The following ATF2 variants were observed in gnomAD, a reference collection of about 807,000 sequenced individuals.
The protein encoded by ATF2 is activating transcription factor 2.
In ATF2, 24 loss-of-function variants were observed where a neutral mutation model predicts 60.6. The observed-to-expected ratio is 0.40, with a 90% confidence interval of 0.29 to 0.56. ATF2 has a LOEUF of 0.56. Ranked by LOEUF, ATF2 falls within the 20% of genes least tolerant of loss-of-function variation. The pLI, the probability that ATF2 is intolerant of heterozygous loss-of-function variation, is 0.54. For synonymous variants in ATF2, 206 were observed against 215.4 expected (o/e 0.96, Z 0.38); for missense variants, 433 against 607.7 (o/e 0.71, Z 3.02).
rs1693139944 is a variant in ATF2, at chr2:175,074,445, G to A, written c.*164C>T. Reference sequence around the variant, plus strand: ...TCCAGAGACTAAAAACCGTTTTTCAGTCTGATCAACTGCTGCTACACCAAC... The same window carrying A: ...TCCAGAGACTAAAAACCGTTTTTCAATCTGATCAACTGCTGCTACACCAAC... On this transcript the variant is annotated 3_prime_UTR_variant, in exon 14 of 14. Transcript: ENST00000264110. 2 of 764,626 alleles carry A rather than the reference G, an allele frequency of 2.6e-6. No homozygotes were observed. The highest frequency in any genetic ancestry group is 3.9e-6 in the Non-Finnish European group (2 of 518,436). 47.4% of individuals were successfully genotyped at this position (764,626 alleles called of 1,614,324 possible).
intron 1 of ATF2, among the ~76,000 whole-genome samples, chr2:175,154,252 T>TA (rs61252880): frequency 4.3e-5 from 6 of 140,764 alleles, no homozygotes; most frequent in African/African-American, 1.6e-4. Context: ...TATATATATA[T>TA]TTTTTACTTT....
At chr2:175,161,708 CATA>C (rs1574514954) in intron 1 of ATF2, among the ~76,000 whole-genome samples, 1 of 151,986 alleles carries the variant, frequency 6.6e-6, no homozygotes, top group Admixed American at 6.5e-5. Flanking sequence ...CTTAATAAAT[CATA>C]ATGACACATT....
rs1168287103 is a variant in ATF2 at position 175,072,860 on chromosome 2, C to T, written c.*1749G>A. On this transcript the variant is annotated 3_prime_UTR_variant, in exon 14 of 14. Transcript: ENST00000264110. Reference sequence around the variant, plus strand: ...CAATAAAATTCCCATTATCTTCATACTTAAAGTCCTGAAATGTCATTTATA... The same window carrying T: ...CAATAAAATTCCCATTATCTTCATATTTAAAGTCCTGAAATGTCATTTATA... 6 of 152,120 alleles carry T rather than the reference C, an allele frequency of 3.9e-5. No individual in the cohort carries two copies. The highest frequency in any genetic ancestry group is 1.9e-4 in the East Asian group (1 of 5,194). 9.4% of individuals were successfully genotyped at this position (152,120 alleles called of 1,614,324 possible).
Position 175,111,580 on chromosome 2 carries a change from T to C in ATF2, c.816A>G (p.Ser272=). 6.2e-7 allele frequency: 1 copy of C among 1,613,694 alleles called. No individual in the cohort carries two copies. The highest frequency in any genetic ancestry group is 8.5e-7 in the Non-Finnish European group (1 of 1,179,672). The part of the protein sequence containing the change: ...PGPSSPQPVQ[S]EAKMRLKAAL... Reference sequence around the variant, plus strand: ...AAATCTGGCTTACCATTTTTGCTTCTGACTGTACTGGTTGGGGAGAGGAAG... The same window carrying C: ...AAATCTGGCTTACCATTTTTGCTTCCGACTGTACTGGTTGGGGAGAGGAAG... Residue 272 remains serine, a synonymous_variant, in exon 10 of 14, where the codon TCA becomes TCG. Coordinates refer to ENST00000264110, the MANE Select transcript of ATF2 (RefSeq NM_001880.4).
At chr2:175,127,836 CTA>C in intron 4 of ATF2, among the ~76,000 whole-genome samples, 1 of 152,158 alleles carries the variant, frequency 6.6e-6, no homozygotes, top group East Asian at 1.9e-4. Flanking sequence ...CTGATAACTC[CTA>C]TGTTTACCTC....
At position 175,073,937 on chromosome 2, in the gene ATF2, A is replaced by T. The variant is rs1311905415; in HGVS notation, c.*672T>A. 1 of 152,150 alleles carries T rather than the reference A, an allele frequency of 6.6e-6. No individual in the cohort carries two copies. Among genetic ancestry groups the T allele is most frequent in the Non-Finnish European group, 1.5e-5 (1 of 68,018 alleles). The allele number at this position is 152,150 out of a possible 1,614,324, so 9.4% of individuals were successfully genotyped here. A position where few individuals can be genotyped will look rare whatever the true frequency, so the allele number is the denominator to read the frequency against. On this transcript the variant is annotated 3_prime_UTR_variant, in exon 14 of 14. Coordinates refer to ENST00000264110, the MANE Select transcript of ATF2 (RefSeq NM_001880.4). The stretch of plus-strand genomic sequence containing the variant: ...CATTTTTGAAATGCTGAAAATTCTA[A>T]AATTTGTTTACTTAAAATCTTAAAT...
At chr2:175,114,235 C>G in intron 8 of ATF2, 127 bp from the exon 9 acceptor site, 1 of 1,409,300 alleles carries the variant, frequency 7.1e-7, no homozygotes, top group Non-Finnish European at 9.2e-7. Flanking sequence ...CACAGCAAAG[C>G]AAATAGCAAA....
chr2:175,083,951 T>C (rs1693952811), intron 12 of ATF2, among the ~76,000 whole-genome samples: 1 of 152,060 alleles, frequency 6.6e-6, no homozygotes, highest in Non-Finnish European at 1.5e-5. Context: ...AGATACCATC[T>C]CACACCAATT....
chr2:175,123,769 A>T (rs973522191), intron 4 of ATF2, among the ~76,000 whole-genome samples: 1 of 152,022 alleles, frequency 6.6e-6, no homozygotes, highest in Non-Finnish European at 1.5e-5. Flanking sequence ...CAATTTACAA[A>T]GGGATTACTG....
rs775754118 is a variant in ATF2, at chr2:175,118,060, G to A, written c.377C>T (p.Pro126Leu). 8.1e-6 allele frequency: 13 copies of A among 1,611,922 alleles called. No homozygotes were observed. Among genetic ancestry groups the A allele is most frequent in the Non-Finnish European group, 9.3e-6 (11 of 1,178,644 alleles). The stretch of plus-strand genomic sequence containing the variant: ...CTGGTGAGTTGTTTCTACAACAGAA[G>A]GCTCCTCAATTTTGCTTCTTATGAT... ...TPIIRSKIEEPSVVETTHQDS... is the reference protein window; with the variant it reads ...TPIIRSKIEELSVVETTHQDS... The change falls in exon 7 of 14, where the codon CCT (proline) becomes CTT (leucine). Residue 126 changes from proline to leucine, a missense_variant. Transcript: ENST00000264110.
At chr2:175,113,391 T>G (rs1036624349) in intron 9 of ATF2, among the ~76,000 whole-genome samples, 5 of 151,974 alleles carry the variant, frequency 3.3e-5, no homozygotes, top group Admixed American at 3.3e-4. Context: ...TACGCTGGGA[T>G]TACAACAGGC....
At chr2:175,140,837 C>G (rs752916189) in intron 2 of ATF2, among the ~76,000 whole-genome samples, 1 of 139,446 alleles carries the variant, frequency 7.2e-6, no homozygotes, top group Non-Finnish European at 1.6e-5. Context: ...AAAAAAAAAG[C>G]AACTTAAAAA....
intron 11 of ATF2, among the ~76,000 whole-genome samples, chr2:175,095,256 C>T (rs751736020): frequency 2.6e-5 from 4 of 152,046 alleles, no homozygotes; most frequent in Non-Finnish European, 5.9e-5. Flanking sequence ...CACCACCACA[C>T]CCAGCTTAAT....
At chr2:175,132,797 G>A (rs368660558) in intron 3 of ATF2, 3 of 152,244 alleles carry the variant, frequency 2.0e-5, no homozygotes, top group African/African-American at 7.2e-5. Flanking sequence ...TATCAGTTTT[G>A]TTCTTCAGCC....
At chr2:175,124,086 A>AAGTT (rs60962173) in intron 4 of ATF2, among the ~76,000 whole-genome samples, 1 of 151,746 alleles carries the variant, frequency 6.6e-6, no homozygotes, top group Non-Finnish European at 1.5e-5. Context: ...CAGTCAAATT[A>AAGTT]TATTCCAAGA....
chr2:175,161,777 TTGA>T (rs1245306483), intron 1 of ATF2, among the ~76,000 whole-genome samples: 1 of 151,756 alleles, frequency 6.6e-6, no homozygotes, highest in Non-Finnish European at 1.5e-5. Context: ...TTTTTTTTTT[TTGA>T]GACACCGTCT....
At chr2:175,138,100 T>A (rs1171438699) in intron 2 of ATF2, among the ~76,000 whole-genome samples, 3 of 152,202 alleles carry the variant, frequency 2.0e-5, no homozygotes, top group Non-Finnish European at 4.4e-5. Flanking sequence ...ATCACATTAC[T>A]CTCTGGCAAG....
chr2:175,138,632 T>C (rs1337703151), intron 2 of ATF2, among the ~76,000 whole-genome samples: 1 of 152,242 alleles, frequency 6.6e-6, no homozygotes, highest in East Asian at 1.9e-4. Flanking sequence ...GTTTGCATAT[T>C]ATTTTAGCTC....
chr2:175,114,892 G>C (rs535446429), intron 7 of ATF2, 24 bp from the exon 8 acceptor site: 7 of 1,600,396 alleles, frequency 4.4e-6, no homozygotes, highest in South Asian at 1.1e-5. Flanking sequence ...AGATAAAAAA[G>C]GGTGGCATTT....
Sources: allele counts gnomAD v4.1 joint callset (sites outside exome capture counted in the v4.1 genomes callset), GRCh38; gene constraint gnomAD v4.1.1; transcripts MANE v1.5; gene names NCBI Gene and HGNC (gene_info 2026-07-23, HGNC 2026-07-21).